The following RBFOX1 variants were observed in gnomAD, a reference collection of about 807,000 sequenced individuals.
RBFOX1 encodes RNA binding fox-1 homolog 1.
RBFOX1 carries 8 observed loss-of-function variants against 57.7 expected under a neutral mutation model. The observed-to-expected ratio is 0.14, with a 90% CI of 0.08 to 0.25. The LOEUF is 0.25. RBFOX1 is among the 10% of genes least tolerant of loss of function. The pLI is 1.00. For synonymous variants in RBFOX1, 326 were observed against 222.4 expected (o/e 1.47, Z -4.15); for missense variants, 611 against 548.5 (o/e 1.11, Z -1.14).
chr16:6,424,870 G>C (rs751881443), intron 2 of RBFOX1, among the ~76,000 whole-genome samples: 2 of 152,068 alleles, frequency 1.3e-5, no homozygotes, highest in Non-Finnish European at 2.9e-5. Context: ...AAACAAACAA[G>C]TTATACAACA....
chr16:7,038,540 C>G (rs914770044), intron 3 of RBFOX1, among the ~76,000 whole-genome samples: 1 of 152,156 alleles, frequency 6.6e-6, no homozygotes, highest in African/African-American at 2.4e-5. Flanking sequence ...TGCAAGGTAT[C>G]AGATGCCAAG....
At chr16:6,576,961 G>A (rs1270537723) in intron 2 of RBFOX1, 1 of 152,170 alleles carries the variant, frequency 6.6e-6, no homozygotes, top group Non-Finnish European at 1.5e-5. Flanking sequence ...TACATTTCCA[G>A]CCCCCCTTTT....
intron 4 of RBFOX1, among the ~76,000 whole-genome samples, chr16:7,183,511 T>C (rs996915640): frequency 6.6e-6 from 1 of 152,240 alleles, no homozygotes; most frequent in South Asian, 2.1e-4. Flanking sequence ...AGAGATGCTT[T>C]ATCTATTTTT....
intron 3 of RBFOX1, among the ~76,000 whole-genome samples, chr16:5,789,505 T>C (rs531577789): frequency 3.9e-5 from 6 of 152,150 alleles, no homozygotes; most frequent in Non-Finnish European, 7.4e-5. Flanking sequence ...TTTAAGATGT[T>C]ACTATAGGGC....
chr16:7,094,823 G>C (rs1195177439), intron 4 of RBFOX1, among the ~76,000 whole-genome samples: 1 of 150,928 alleles, frequency 6.6e-6, no homozygotes, highest in Admixed American at 6.6e-5. Context: ...CAGAGGGTAA[G>C]AGAATTTTTC....
At chr16:5,513,793 G>C (rs1259508772) in intron 2 of RBFOX1, among the ~76,000 whole-genome samples, 9 of 151,902 alleles carry the variant, frequency 5.9e-5, no homozygotes, top group Admixed American at 5.9e-4. Context: ...TTTTTTGATG[G>C]ATTTATTTTT....
intron 14 of RBFOX1, among the ~76,000 whole-genome samples, chr16:7,679,558 C>T (rs1403193070): frequency 2.6e-5 from 4 of 152,182 alleles, no homozygotes. Context: ...ACTCTTCAGA[C>T]ATCTTGAAAG....
At chr16:7,184,660 A>G (rs184074226) in intron 4 of RBFOX1, among the ~76,000 whole-genome samples, 16 of 142,520 alleles carry the variant, frequency 1.1e-4, no homozygotes, top group Admixed American at 1.1e-3. Flanking sequence ...ACATGGGTAT[A>G]CCTAAACAGT....
At chr16:7,011,311 G>T (rs2093642918) in intron 3 of RBFOX1, among the ~76,000 whole-genome samples, 1 of 152,122 alleles carries the variant, frequency 6.6e-6, no homozygotes, top group Admixed American at 6.6e-5. Flanking sequence ...TTTTCACTTT[G>T]CAGAAGGAGA....
chr16:6,692,478 G>A lies in RBFOX1; in HGVS notation c.-16+37828G>A, dbSNP rs13339092. ...ACATTGAAATGTTTAACTACTTTCC[G>A]TGACCCTGTGGCCTAACAAAGAAAC... On this transcript the variant is annotated intron_variant, in intron 3 of 15. Transcript: ENST00000550418. Among the ~76,000 whole-genome samples the A allele has an allele frequency of 8.4e-3, 1,284 of 152,012 alleles. 61 individuals are homozygous for A. Among genetic ancestry groups the A allele is most frequent in the Admixed American group, 0.077 (1,173 of 15,278 alleles).
upstream of RBFOX1, among the ~76,000 whole-genome samples, chr16:6,017,866 C>A (rs1477941789): frequency 6.6e-6 from 1 of 152,130 alleles, no homozygotes; most frequent in Non-Finnish European, 1.5e-5. Context: ...TTTTGGAAAG[C>A]TTACAGCATT....
intron 5 of RBFOX1, among the ~76,000 whole-genome samples, chr16:7,577,498 A>C (rs1024343554): frequency 4.6e-5 from 7 of 152,108 alleles, no homozygotes; most frequent in African/African-American, 1.7e-4. Flanking sequence ...GACATCTCCC[A>C]CTTAACGTTT....
chr16:5,537,689 A>G (rs569330335), intron 2 of RBFOX1, among the ~76,000 whole-genome samples: 2 of 152,310 alleles, frequency 1.3e-5, no homozygotes, highest in African/African-American at 4.8e-5. Flanking sequence ...AAAGCCAATG[A>G]TGGCTGGTTG....
chr16:6,226,562 G>T (rs1402862505), intron 1 of RBFOX1, among the ~76,000 whole-genome samples: 2 of 152,046 alleles, frequency 1.3e-5, no homozygotes, highest in Non-Finnish European at 2.9e-5. Context: ...CATATTGTAT[G>T]AATTGGTTTT....
intron 3 of RBFOX1, among the ~76,000 whole-genome samples, chr16:5,634,624 G>T (rs2048624363): frequency 6.6e-6 from 1 of 152,208 alleles, no homozygotes; most frequent in African/African-American, 2.4e-5. Flanking sequence ...TAAGCTGAAG[G>T]AAAGTTATTG....
chr16:5,939,724 C>G (rs1450437942), intron 4 of RBFOX1, among the ~76,000 whole-genome samples: 1 of 152,158 alleles, frequency 6.6e-6, no homozygotes, highest in South Asian at 2.1e-4. Flanking sequence ...GTCAGCAAAT[C>G]TGTGGATGTA....
chr16:7,308,905 T>C (rs2096251780), intron 4 of RBFOX1, among the ~76,000 whole-genome samples: 1 of 152,356 alleles, frequency 6.6e-6, no homozygotes, highest in African/African-American at 2.4e-5. Flanking sequence ...CTTGTGTTAC[T>C]CCATCTGATG....
chr16:6,019,485 G>T lies in RBFOX1; in HGVS notation c.-634G>T, dbSNP rs1326942429. 6.9e-6 allele frequency: 7 copies of T among 1,008,476 alleles called. No individual in the cohort carries two copies. In the East Asian group the frequency reaches 5.6e-4, roughly 80 times the overall value. The allele number at this position is 1,008,476 out of a possible 1,614,324, so 62.5% of individuals were successfully genotyped here. On this transcript the variant is annotated 5_prime_UTR_variant, in exon 1 of 16. Coordinates refer to ENST00000550418, the MANE Select transcript of RBFOX1 (RefSeq NM_018723.4). This position sits in a 1 kb window ranked among gnomAD's most constrained non-coding sequence, Gnocchi z 4.2. ...CGCGGAGGGGAATCCCTCCCCCTCC[G>T]CCCCAGCCCCCCAGCAGCACCCGCG...
chr16:5,904,869 C>A (rs188162191), intron 4 of RBFOX1, among the ~76,000 whole-genome samples: 3,362 of 148,206 alleles, frequency 0.023, 53 homozygotes, highest in Middle Eastern at 0.044. Flanking sequence ...CCCAGCTACT[C>A]GGGAGGCTGA....
Sources: gnomAD v4.1 joint callset for allele counts (sites outside exome capture counted in the v4.1 genomes callset) on GRCh38, gnomAD v4.1.1 for gene constraint, Gnocchi (gnomAD v3.1) non-coding constraint, MANE v1.5 for transcripts, NCBI Gene and HGNC (gene_info 2026-07-23, HGNC 2026-07-21) for gene names.